Variants in SGCZ observed in about 807,000 individuals in gnomAD.
The protein encoded by SGCZ is sarcoglycan zeta.
SGCZ carries 40 observed loss-of-function variants against 41.3 expected under a neutral mutation model. The observed-to-expected ratio is 0.97, with a 90% CI of 0.75 to 1.26. SGCZ has a LOEUF of 1.26. Ranked by LOEUF, SGCZ falls within the 50% of genes most tolerant of loss-of-function variation. The pLI is 0.00. For missense variants in SGCZ, 552 were observed against 369.8 expected (o/e 1.49, Z -4.04); for synonymous variants, 206 against 137.5 (o/e 1.50, Z -3.49).
chr8:14,812,109 T>G (rs1158394077), intron 1 of SGCZ, among the ~76,000 whole-genome samples: 1 of 151,878 alleles, frequency 6.6e-6, no homozygotes, highest in Non-Finnish European at 1.5e-5. Flanking sequence ...AGTACAAATT[T>G]TGAAGCAATT....
intron 1 of SGCZ, among the ~76,000 whole-genome samples, chr8:15,048,513 T>C (rs910307452): frequency 2.8e-4 from 43 of 152,194 alleles, no homozygotes; most frequent in African/African-American, 7.7e-4. Context: ...AAATGATACA[T>C]GTTTGAGGAA....
intron 1 of SGCZ, among the ~76,000 whole-genome samples, chr8:15,110,828 C>T (rs1017701286): frequency 2.0e-5 from 3 of 152,010 alleles, no homozygotes; most frequent in African/African-American, 4.8e-5. Flanking sequence ...ATTAGCTGGG[C>T]ATAGTGGCAT....
intron 1 of SGCZ, among the ~76,000 whole-genome samples, chr8:14,831,171 G>T (rs1432749242): frequency 1.3e-5 from 2 of 152,068 alleles, no homozygotes; most frequent in African/African-American, 4.8e-5. Flanking sequence ...GATGACTCTG[G>T]CTAATAAAAA....
At chr8:14,866,879 TG>T (rs1457522653) in intron 1 of SGCZ, among the ~76,000 whole-genome samples, 4 of 152,136 alleles carry the variant, frequency 2.6e-5, no homozygotes, top group Non-Finnish European at 5.9e-5. Flanking sequence ...CTGCTTGCAG[TG>T]GGATAAAGCA....
At chr8:14,335,985 G>T (rs919867643) in intron 2 of SGCZ, among the ~76,000 whole-genome samples, 9 of 152,000 alleles carry the variant, frequency 5.9e-5, no homozygotes, top group African/African-American at 1.9e-4. Context: ...TCATGTCATA[G>T]GGGTTTGTTA....
At chr8:15,205,233 C>A (rs1177106755) in intron 1 of SGCZ, among the ~76,000 whole-genome samples, 2 of 152,040 alleles carry the variant, frequency 1.3e-5, no homozygotes, top group Non-Finnish European at 1.5e-5. Flanking sequence ...AAAGCAATCA[C>A]AACAGAAACC....
chr8:14,559,523 G>C (rs1174014313), intron 1 of SGCZ, among the ~76,000 whole-genome samples: 1 of 152,038 alleles, frequency 6.6e-6, no homozygotes, highest in Non-Finnish European at 1.5e-5. Flanking sequence ...CTCATGGATG[G>C]GTAGAATCAA....
chr8:14,441,867 A>T lies in SGCZ; in HGVS notation c.234+112865T>A, dbSNP rs555530071. On this transcript the variant is annotated intron_variant, in intron 2 of 7. Coordinates refer to ENST00000382080, the MANE Select transcript of SGCZ (RefSeq NM_139167.4). ...TCTGGTATTCTGACCTGACACTGAG[A>T]ATGTTTGTCTTAAAGGCCTGGGAGA... 7.2e-5 allele frequency among the ~76,000 whole-genome samples: 11 copies of T among 152,242 alleles called. 1 individual carries two copies. Among genetic ancestry groups the T allele is most frequent in the African/African-American group, 2.4e-4 (10 of 41,556 alleles).
intron 1 of SGCZ, among the ~76,000 whole-genome samples, chr8:14,747,012 G>T (rs1055765445): frequency 6.6e-6 from 1 of 152,078 alleles, no homozygotes; most frequent in Non-Finnish European, 1.5e-5. Context: ...AGTTTTCCTG[G>T]GAACAAATTA....
chr8:14,952,422 T>G (rs1484164018), intron 1 of SGCZ, among the ~76,000 whole-genome samples: 1 of 152,146 alleles, frequency 6.6e-6, no homozygotes, highest in Non-Finnish European at 1.5e-5. Context: ...TGCTGAGGCT[T>G]AAGTGATGCT....
chr8:15,021,389 G>A (rs754120135), intron 1 of SGCZ, among the ~76,000 whole-genome samples: 23 of 152,144 alleles, frequency 1.5e-4, no homozygotes, highest in Non-Finnish European at 2.4e-4. Flanking sequence ...GAAAGGGCCC[G>A]TTCAGACTTG....
chr8:14,981,325 T>A (rs1424914975), intron 1 of SGCZ, among the ~76,000 whole-genome samples: 1 of 152,200 alleles, frequency 6.6e-6, no homozygotes, highest in Admixed American at 6.5e-5. Context: ...GAATACGTTG[T>A]CTTTTCACCT....
rs143971959 is a variant in SGCZ, at chr8:14,849,118, C to T, written c.40-294192G>A. On this transcript the variant is annotated intron_variant, in intron 1 of 7. Coordinates refer to ENST00000382080, the MANE Select transcript of SGCZ (RefSeq NM_139167.4). ...TTTATTAAAATATGCAATTTAAAAT[C>T]ACAATTAGGTACAACTCACATACTA... is the stretch of plus-strand genomic sequence containing the variant. 3.0e-4 allele frequency among the ~76,000 whole-genome samples: 45 copies of T among 152,142 alleles called. No individual in the cohort carries two copies. The East Asian group carries it at 7.7e-3, about 26-fold the overall frequency.
intron 2 of SGCZ, among the ~76,000 whole-genome samples, chr8:14,416,885 T>C (rs1799507270): frequency 6.6e-6 from 1 of 151,890 alleles, no homozygotes; most frequent in African/African-American, 2.4e-5. Flanking sequence ...AATTCTGTAA[T>C]CCTATGCATG....
chr8:14,962,764 T>A (rs1208398558), intron 1 of SGCZ, among the ~76,000 whole-genome samples: 1 of 152,134 alleles, frequency 6.6e-6, no homozygotes, highest in Admixed American at 6.5e-5. Flanking sequence ...ATGCAACAAA[T>A]GATGTTTGCA....
intron 1 of SGCZ, among the ~76,000 whole-genome samples, chr8:14,726,286 G>A (rs1343144502): frequency 3.7e-5 from 5 of 136,744 alleles, no homozygotes; most frequent in African/African-American, 1.1e-4. Flanking sequence ...AATCATACGC[G>A]TGTGTGTGTG....
intron 3 of SGCZ, among the ~76,000 whole-genome samples, chr8:14,307,111 T>C (rs556947685): frequency 3.0e-4 from 46 of 152,274 alleles, no homozygotes; most frequent in African/African-American, 1.0e-3. Flanking sequence ...TATAATAACT[T>C]TAACTTAAGT....
chr8:14,920,264 C>G (rs1017459519), intron 1 of SGCZ, among the ~76,000 whole-genome samples: 1 of 152,154 alleles, frequency 6.6e-6, no homozygotes, highest in Non-Finnish European at 1.5e-5. Flanking sequence ...ATAACCCAAA[C>G]TGAAGTAGTG....
At chr8:14,699,657 A>G (rs770524084) in intron 1 of SGCZ, among the ~76,000 whole-genome samples, 4 of 152,008 alleles carry the variant, frequency 2.6e-5, no homozygotes, top group Non-Finnish European at 5.9e-5. Context: ...AGCAAAAGCA[A>G]CCATCAGGAG....
Sources: allele counts gnomAD v4.1 joint callset (sites outside exome capture counted in the v4.1 genomes callset), GRCh38; gene constraint gnomAD v4.1.1; transcripts MANE v1.5; gene names NCBI Gene and HGNC (gene_info 2026-07-23, HGNC 2026-07-21).